The following ERMP1 variants were observed in gnomAD, a reference collection of about 807,000 sequenced individuals.
ERMP1 encodes the protein endoplasmic reticulum metallopeptidase 1, also known as Felix-ina.
A neutral mutation model predicts 92.0 loss-of-function variants in ERMP1; 86 were observed. The ratio of observed to expected loss-of-function variants is 0.93; its 90% CI spans 0.79 to 1.12. ERMP1 has a LOEUF of 1.12. ERMP1 is among the 50% of genes most tolerant of loss of function. The pLI, the probability that ERMP1 is intolerant of heterozygous loss-of-function variation, is 0.00. For missense variants in ERMP1, 1,342 were observed against 1,116.3 expected, an observed-to-expected ratio of 1.20 and a Z score of -2.88; for synonymous variants, 530 against 412.8, an observed-to-expected ratio of 1.28 and a Z score of -3.44.
At chr9:5,844,142 C>T (rs147211391) in intron 6 of ERMP1, among the ~76,000 whole-genome samples, 2 of 152,276 alleles carry the variant, frequency 1.3e-5, no homozygotes, top group African/African-American at 2.4e-5. Flanking sequence ...ACACCCTGTC[C>T]TGGAAAACAC....
At chr9:5,793,820 A>C (rs1828302019) in intron 13 of ERMP1, among the ~76,000 whole-genome samples, 1 of 152,172 alleles carries the variant, frequency 6.6e-6, no homozygotes, top group African/African-American at 2.4e-5. Context: ...CTAAAGGAGA[A>C]AGACAAATTC....
At chr9:5,831,151 G>C in intron 1 of ERMP1, 123 bp from the exon 2 acceptor site, 1 of 669,184 alleles carries the variant, frequency 1.5e-6, no homozygotes, top group East Asian at 2.7e-5. Flanking sequence ...ATATAAAAGG[G>C]ACCGCCTTTC....
Position 5,810,232 on chromosome 9 carries a change from C to G in ERMP1, c.1328-1G>C. ...AAGAAGTCCTTCTTGTAGTTACCAG[C>G]TAATGAAGAGAAAACAAAAAGTTGA... is the stretch of plus-strand genomic sequence containing the variant. On this transcript the variant is annotated splice_acceptor_variant, in intron 7 of 14. Transcript: ENST00000339450. LOFTEE classifies it high-confidence loss of function. 6.2e-7 allele frequency: 1 copy of G among 1,611,468 alleles called. No homozygotes were observed.
At chr9:5,824,342 G>A (rs1447847560) in intron 3 of ERMP1, among the ~76,000 whole-genome samples, 1 of 152,182 alleles carries the variant, frequency 6.6e-6, no homozygotes, top group Admixed American at 6.5e-5. Context: ...GGGAGGCCAT[G>A]GTGGGAAGAT....
intron 13 of ERMP1, among the ~76,000 whole-genome samples, chr9:5,794,151 C>A (rs185514872): frequency 1.3e-5 from 2 of 152,048 alleles, no homozygotes; most frequent in East Asian, 1.9e-4. Context: ...GCTGAAAAAT[C>A]AAATCATTTG....
At chr9:5,854,302 A>G (rs753837008) in intron 6 of ERMP1, among the ~76,000 whole-genome samples, 4 of 152,148 alleles carry the variant, frequency 2.6e-5, no homozygotes, top group Non-Finnish European at 5.9e-5. Flanking sequence ...AAAAAAATAA[A>G]GATTTTGCTT....
rs200004522 is a variant in ERMP1, at chr9:5,799,040, T to C, written c.2068-32A>G. 16 of 1,526,824 alleles carry C rather than the reference T, an allele frequency of 1.0e-5. No homozygotes were observed. In the East Asian group the frequency reaches 3.6e-4, roughly 34 times the overall value. The allele number at this position is 1,526,824 out of a possible 1,614,324, so 94.6% of individuals were successfully genotyped here. ...AAAAAAGACTAGTGAAAAAACTGTT[T>C]CAACTAGTACACCCACATTCCCACC... On this transcript the variant is annotated intron_variant, in intron 11 of 14. Coordinates refer to ENST00000339450, the MANE Select transcript of ERMP1 (RefSeq NM_024896.3).
intron 5 of ERMP1, 162 bp downstream of exon 5, chr9:5,812,727 G>A: frequency 1.3e-6 from 1 of 786,662 alleles, no homozygotes; most frequent in South Asian, 1.6e-5. Flanking sequence ...TTAGTATGGA[G>A]TTTAAAAAAG....
At chr9:5,811,064 A>C (rs1247478774) in intron 7 of ERMP1, 47 bp downstream of exon 7, 1 of 1,334,874 alleles carries the variant, frequency 7.5e-7, no homozygotes, top group East Asian at 2.3e-5. Flanking sequence ...CTTCAAGCAC[A>C]TTCTACAGCA....
chr9:5,798,794 T>G lies in ERMP1; in HGVS notation c.2270+12A>C. On this transcript the variant is annotated intron_variant, in intron 12 of 14. Coordinates refer to ENST00000339450, the MANE Select transcript of ERMP1 (RefSeq NM_024896.3). ...AACAAACTAACCTTAAGCAGAAAAATAATGAACCAACCTGATCAGAAAGTG... is the reference window on the plus strand; with the variant it reads ...AACAAACTAACCTTAAGCAGAAAAAGAATGAACCAACCTGATCAGAAAGTG... 1 of 1,598,970 alleles carries G rather than the reference T, an allele frequency of 6.3e-7. No homozygotes were observed. The highest frequency in any genetic ancestry group is 8.6e-7 in the Non-Finnish European group (1 of 1,167,134).
intron 6 of ERMP1, among the ~76,000 whole-genome samples, chr9:5,841,539 T>C (rs1465208343): frequency 6.6e-6 from 1 of 152,188 alleles, no homozygotes; most frequent in Non-Finnish European, 1.5e-5. Flanking sequence ...GGCTCATACC[T>C]GTAATCCCAA....
chr9:5,825,939 G>C (rs1284962780), intron 2 of ERMP1, among the ~76,000 whole-genome samples: 1 of 152,110 alleles, frequency 6.6e-6, no homozygotes, highest in African/African-American at 2.4e-5. Flanking sequence ...CATTGTAAGA[G>C]ACAATTAAAG....
intron 6 of ERMP1, among the ~76,000 whole-genome samples, chr9:5,840,271 G>A (rs1443115389): frequency 6.6e-6 from 1 of 152,050 alleles, no homozygotes; most frequent in South Asian, 2.1e-4. Flanking sequence ...AGAGAAGAGA[G>A]AACGGAAGGA....
rs1243172795 is a variant in ERMP1 at position 5,785,391 on chromosome 9, C to A, written c.*1753G>T. The A allele has an allele frequency of 1.3e-5, 2 of 152,118 alleles. No individual in the cohort carries two copies. The highest frequency in any genetic ancestry group is 2.9e-5 in the Non-Finnish European group (2 of 68,030). The allele number at this position is 152,118 out of a possible 1,614,324, so 9.4% of individuals were successfully genotyped here. A position where few individuals can be genotyped will look rare whatever the true frequency, so the allele number is the denominator to read the frequency against. ...ACTGTGATTCTATACAAAATATAAA[C>A]CCTGCAAACCTTATGTGCTACCTGA... On this transcript the variant is annotated 3_prime_UTR_variant, in exon 15 of 15. Transcript: ENST00000339450.
At chr9:5,796,411 A>G (rs1828427606) in intron 13 of ERMP1, among the ~76,000 whole-genome samples, 1 of 152,248 alleles carries the variant, frequency 6.6e-6, no homozygotes, top group African/African-American at 2.4e-5. Flanking sequence ...TAGGCTTACC[A>G]TATATAATAT....
chr9:5,803,218 T>C (rs1193830485), intron 10 of ERMP1, among the ~76,000 whole-genome samples: 1 of 152,204 alleles, frequency 6.6e-6, no homozygotes, highest in Non-Finnish European at 1.5e-5. Context: ...GCCACTATCA[T>C]TAACACTGCT....
In ERMP1 at chr9:5,833,097, G is replaced by T. The variant is rs1034204112; in HGVS notation, c.-70C>A. ...AGCCCCGGCCGCCGCCGACGCCGCC[G>T]TCGCTGCCGCAGCGCCTCCTAGTGA... On this transcript the variant is annotated 5_prime_UTR_variant, in exon 1 of 15. Transcript: ENST00000339450. 11 of 1,324,100 alleles carry T rather than the reference G, an allele frequency of 8.3e-6. No individual in the cohort carries two copies. Among genetic ancestry groups the T allele is most frequent in the Admixed American group, 7.4e-5 (2 of 27,028 alleles). The allele number at this position is 1,324,100 out of a possible 1,614,324, so 82.0% of individuals were successfully genotyped here. A position where few individuals can be genotyped will look rare whatever the true frequency, so the allele number is the denominator to read the frequency against.
At chr9:5,812,754 T>TAGTG (rs75045912) in intron 5 of ERMP1, 135 bp downstream of exon 5, 27,210 of 955,022 alleles carry the variant, frequency 0.028, 534 homozygotes, top group Non-Finnish European at 0.035. Context: ...AACTCTGTTT[T>TAGTG]AGTGAGTCAA....
chr9:5,852,557 T>C (rs1008570136), intron 6 of ERMP1, among the ~76,000 whole-genome samples: 1 of 151,866 alleles, frequency 6.6e-6, no homozygotes. Flanking sequence ...TACCCCACCA[T>C]AGCAGCAGAA....
Sources: gnomAD v4.1 joint callset for allele counts (sites outside exome capture counted in the v4.1 genomes callset) on GRCh38, gnomAD v4.1.1 for gene constraint, MANE v1.5 for transcripts, NCBI Gene and HGNC (gene_info 2026-07-23, HGNC 2026-07-21) for gene names.